TEX15: variants seen among roughly 807,000 people sequenced by gnomAD.
The protein encoded by TEX15 is testis-expressed protein 15.
A neutral mutation model predicts 237.3 loss-of-function variants in TEX15; 171 were observed. The ratio of observed to expected loss-of-function variants is 0.72; its 90% confidence interval spans 0.64 to 0.82. The LOEUF (loss-of-function observed/expected upper bound fraction) is 0.82, where lower values mean the gene tolerates loss of function less well. TEX15 is among the 40% of genes least tolerant of loss of function. TEX15 has a pLI of 0.00. For synonymous variants in TEX15, 1,338 were observed against 1,269.8 expected (o/e 1.05, Z -1.14); for missense variants, 3,750 against 3,646.5 (o/e 1.03, Z -0.73).
intron 3 of TEX15, among the ~76,000 whole-genome samples, chr8:30,884,855 T>G (rs1486415178): frequency 6.6e-6 from 1 of 152,156 alleles, no homozygotes; most frequent in Non-Finnish European, 1.5e-5. Flanking sequence ...TTTATTATTT[T>G]CTTCTGCTTA....
intron 8 of TEX15, 113 bp downstream of exon 8, chr8:30,841,891 C>T: frequency 1.9e-5 from 12 of 643,444 alleles, no homozygotes; most frequent in South Asian, 6.3e-5. Flanking sequence ...TTCATTTTGC[C>T]AGACAATTTA....
rs941239897 is a variant in TEX15, at chr8:30,844,156, A to G, written c.6011T>C (p.Leu2004Ser). The change falls in exon 8 of 11, where the codon TTG becomes TCG. Residue 2004 changes from leucine to serine, a missense_variant. Leu to Ser is a moderately radical substitution (Grantham distance 145). Coordinates refer to ENST00000643185, the MANE Select transcript of TEX15 (RefSeq NM_001350162.2). The part of the protein sequence containing the change: ...TALIANLSQI[L>S]QRADEASSLQ... ...AGATGATGCTTCATCTGCCCTCTGC[A>G]AAATTTGAGATAGATTAGCTATAAG... 6.2e-7 allele frequency: 1 copy of G among 1,613,006 alleles called. No homozygotes were observed. The highest frequency in any genetic ancestry group is 1.3e-5 in the African/African-American group (1 of 74,874).
At chr8:30,866,862 C>T (rs1808180537) in intron 5 of TEX15, among the ~76,000 whole-genome samples, 1 of 151,938 alleles carries the variant, frequency 6.6e-6, no homozygotes, top group African/African-American at 2.4e-5. Flanking sequence ...TGATACAATA[C>T]TATTAACTAA....
rs117517976 is a variant in TEX15 at position 30,847,919 on chromosome 8, A to G, written c.2248T>C (p.Leu750=). 1,665 of 1,613,898 alleles carry G rather than the reference A, an allele frequency of 1.0e-3. 2 individuals are homozygous for G. The highest frequency in any genetic ancestry group is 1.2e-3 in the Non-Finnish European group (1,408 of 1,179,930). ...AIAQKLMELK[L]GKINQNYASI... ...GCATAATTTTGATTTATTTTCCCCA[A>G]TTTCAGTTCCATTAGCTTTTGAGCA... Residue 750 remains leucine (L), a synonymous_variant, in exon 8 of 11, where the codon TTG becomes CTG. Transcript: ENST00000643185.
chr8:30,843,024 A>C lies in TEX15; in HGVS notation c.7143T>G (p.Phe2381Leu), dbSNP rs765090230. ...CISEILDQAEFADLKKLQDLT... is the reference protein window; with the variant it reads ...CISEILDQAELADLKKLQDLT... ...GATCCTGTAATTTTTTAAGGTCTGC[A>C]AATTCAGCCTGATCCAATATCTCAC... is the stretch of plus-strand genomic sequence containing the variant. Residue 2381 changes from phenylalanine to leucine, a missense_variant, in exon 8 of 11, where the codon TTT (phenylalanine) becomes TTG (leucine). Physicochemically the swap from Phe to Leu is conservative, Grantham distance 22. Transcript: ENST00000643185. 3 of 1,613,586 alleles carry C rather than the reference A, an allele frequency of 1.9e-6. No homozygotes were observed. The highest frequency in any genetic ancestry group is 2.5e-6 in the Non-Finnish European group (3 of 1,179,730).
intron 1 of TEX15, among the ~76,000 whole-genome samples, chr8:30,904,406 C>CA (rs1424635654): frequency 6.7e-6 from 1 of 148,944 alleles, no homozygotes; most frequent in Non-Finnish European, 1.5e-5. Context: ...AACATGGTGC[C>CA]ACTTCACTCC....
chr8:30,855,504 T>C (rs554496490), intron 7 of TEX15, among the ~76,000 whole-genome samples: 28 of 152,330 alleles, frequency 1.8e-4, no homozygotes, highest in African/African-American at 5.3e-4. Flanking sequence ...TGAATTTAAA[T>C]GGTGCAGCCA....
intron 7 of TEX15, among the ~76,000 whole-genome samples, chr8:30,851,273 G>A (rs1585288212): frequency 6.6e-6 from 1 of 152,338 alleles, no homozygotes; most frequent in East Asian, 1.9e-4. Context: ...AAATTACTAT[G>A]AGCATACGTT....
chr8:30,838,785 TATATA>T lies in TEX15; in HGVS notation c.8223-729_8223-725del, dbSNP rs1807373384. ...GTATATATAAAAACATATATATATATATATATATATATATATATATATATATATAT... is the reference window on the plus strand; with the variant it reads ...GTATATATAAAAACATATATATATATTATATATATATATATATATATATAT... On this transcript the variant is annotated intron_variant, in intron 9 of 10. Coordinates refer to ENST00000643185, the MANE Select transcript of TEX15 (RefSeq NM_001350162.2). 8.8e-5 allele frequency among the ~76,000 whole-genome samples: 5 copies of T among 57,080 alleles called. No individual in the cohort carries two copies. In the Admixed American group the frequency reaches 1.2e-3, roughly 14 times the overall value. The allele number at this position is 57,080 out of a possible 152,430, so 37.4% of individuals were successfully genotyped here. A position where few individuals can be genotyped will look rare whatever the true frequency, so the allele number is the denominator to read the frequency against.
Position 30,837,126 on chromosome 8 carries a change from T to C in TEX15, c.9158A>G (p.Asn3053Ser), listed in dbSNP as rs201425693. ...AWCVYQYSNS[N>S]GNAITQTYQG... is the part of the protein sequence containing the mutation. ...GTATGTCTGGGTAATGGCATTGCCA[T>C]TGCTGTTGCTGTACTGATAAACACA... The change falls in exon 10 of 11, where the codon AAT becomes AGT. Residue 3053 changes from asparagine to serine, a missense_variant. Coordinates refer to ENST00000643185, the MANE Select transcript of TEX15 (RefSeq NM_001350162.2). 6.8e-6 allele frequency: 11 copies of C among 1,614,066 alleles called. No individual in the cohort carries two copies. Among genetic ancestry groups the C allele is most frequent in the Middle Eastern group, 1.6e-4 (1 of 6,062 alleles).
Position 30,855,101 on chromosome 8 carries a change from G to A in TEX15, c.850+3567C>T, listed in dbSNP as rs186055535. On this transcript the variant is annotated intron_variant, in intron 7 of 10. Coordinates refer to ENST00000643185, the MANE Select transcript of TEX15 (RefSeq NM_001350162.2). ...GCTCTTGCCACTTCTCTTACTGAAG[G>A]TGCTTAGCCAGGGCAATTATGCAAA... Among the ~76,000 whole-genome samples, 123 of 152,092 alleles carry A rather than the reference G, an allele frequency of 8.1e-4. 1 individual carries two copies. The highest frequency in any genetic ancestry group is 1.3e-3 in the Non-Finnish European group (90 of 67,988).
chr8:30,841,209 C>G (rs566823854), intron 8 of TEX15, among the ~76,000 whole-genome samples: 8 of 152,270 alleles, frequency 5.3e-5, no homozygotes, highest in South Asian at 2.1e-4. Flanking sequence ...CGTGAGCTAT[C>G]GCACCCAGCT....
At chr8:30,911,260 C>T (rs1809211135) in intron 1 of TEX15, among the ~76,000 whole-genome samples, 1 of 152,194 alleles carries the variant, frequency 6.6e-6, no homozygotes, top group South Asian at 2.1e-4. Flanking sequence ...GTTGAGATTA[C>T]AGGCGCGTGG....
rs1410711348 is a variant in TEX15, at chr8:30,883,391, T to C, written c.136+3776A>G. On this transcript the variant is annotated intron_variant, in intron 3 of 10. Transcript: ENST00000643185. Reference sequence around the variant, plus strand: ...TTTCTTTTTTTTTTAATTTTTTATTTTACTTTAAGTTCTGGGGTGCATGTG... The same window carrying C: ...TTTCTTTTTTTTTTAATTTTTTATTCTACTTTAAGTTCTGGGGTGCATGTG... 3.9e-5 allele frequency among the ~76,000 whole-genome samples: 6 copies of C among 152,234 alleles called. No homozygotes were observed. The East Asian group carries it at 1.2e-3, about 29-fold the overall frequency.
At chr8:30,901,693 A>C (rs1003599214) in intron 1 of TEX15, among the ~76,000 whole-genome samples, 1 of 152,370 alleles carries the variant, frequency 6.6e-6, no homozygotes, top group South Asian at 2.1e-4. Flanking sequence ...TGAAGTAATC[A>C]GTGTGGTAAG....
intron 3 of TEX15, among the ~76,000 whole-genome samples, chr8:30,883,625 A>G (rs1313928453): frequency 6.6e-6 from 1 of 151,880 alleles, no homozygotes; most frequent in African/African-American, 2.4e-5. Context: ...CTGTTCCTGT[A>G]TTTGCAGAGG....
chr8:30,887,583 G>A lies in TEX15; in HGVS notation c.-9-272C>T, dbSNP rs552762416. 152 of 207,532 alleles carry A rather than the reference G, an allele frequency of 7.3e-4. 1 individual carries two copies. The highest frequency in any genetic ancestry group is 3.3e-3 in the African/African-American group (144 of 43,338). The allele number at this position is 207,532 out of a possible 1,614,324, so 12.9% of individuals were successfully genotyped here. A position where few individuals can be genotyped will look rare whatever the true frequency, so the allele number is the denominator to read the frequency against. ...AGAGGCTGAGGTGGGCAGATCACTT[G>A]AGGCTAGGAGTTTGAGACCAGCCTG... On this transcript the variant is annotated intron_variant, in intron 2 of 10. Coordinates refer to ENST00000643185, the MANE Select transcript of TEX15 (RefSeq NM_001350162.2).
At chr8:30,899,255 T>C (rs1341980479) in intron 1 of TEX15, among the ~76,000 whole-genome samples, 1 of 152,146 alleles carries the variant, frequency 6.6e-6, no homozygotes, top group Non-Finnish European at 1.5e-5. Context: ...ACAGTATAGG[T>C]AGCTTACATA....
At chr8:30,911,797 C>A (rs1442161458) in intron 1 of TEX15, among the ~76,000 whole-genome samples, 1 of 152,144 alleles carries the variant, frequency 6.6e-6, no homozygotes, top group African/African-American at 2.4e-5. Flanking sequence ...GCATTCCAAA[C>A]GCGGAAACTC....
Sources: allele counts gnomAD v4.1 joint callset (sites outside exome capture counted in the v4.1 genomes callset), GRCh38; gene constraint gnomAD v4.1.1; transcripts MANE v1.5; gene names NCBI Gene and HGNC (gene_info 2026-07-23, HGNC 2026-07-21).